The following PDGFC variants were observed in gnomAD, a reference collection of about 807,000 sequenced individuals.
PDGFC encodes the protein platelet-derived growth factor C.
A neutral mutation model predicts 35.5 loss-of-function variants in PDGFC; 12 were observed. The ratio of observed to expected loss-of-function variants is 0.34; its 90% CI spans 0.22 to 0.55. PDGFC has a LOEUF of 0.55. PDGFC is among the 20% of genes least tolerant of loss of function. The pLI, the probability that PDGFC is intolerant of heterozygous loss-of-function variation, is 0.91. For synonymous variants in PDGFC, 159 were observed against 148.8 expected (o/e 1.07, Z -0.50); for missense variants, 322 against 412.4 (o/e 0.78, Z 1.90).
intron 3 of PDGFC, among the ~76,000 whole-genome samples, chr4:156,797,449 G>C (rs1418263981): frequency 6.6e-6 from 1 of 152,094 alleles, no homozygotes; most frequent in South Asian, 2.1e-4. Flanking sequence ...AAAAACAGAA[G>C]TGAGGTACAG....
intron 1 of PDGFC, 72 bp downstream of exon 1, chr4:156,970,714 T>C (rs1017464548): frequency 4.5e-5 from 41 of 921,226 alleles, no homozygotes; most frequent in Non-Finnish European, 6.9e-5. Flanking sequence ...ATATATCACA[T>C]ACCAACGCAC....
intron 1 of PDGFC, among the ~76,000 whole-genome samples, chr4:156,860,173 C>T (rs1729676519): frequency 6.6e-6 from 1 of 152,042 alleles, no homozygotes; most frequent in African/African-American, 2.4e-5. Flanking sequence ...TCTCTAACAC[C>T]CCATTATCAC....
intron 1 of PDGFC, among the ~76,000 whole-genome samples, chr4:156,934,205 T>A (rs910082722): frequency 6.6e-6 from 1 of 152,202 alleles, no homozygotes; most frequent in East Asian, 1.9e-4. Flanking sequence ...TAAACAAACC[T>A]AAATGGTATG....
intron 2 of PDGFC, among the ~76,000 whole-genome samples, chr4:156,831,455 T>TG: frequency 6.8e-6 from 1 of 146,970 alleles, no homozygotes; most frequent in East Asian, 2.0e-4. Context: ...TTTTTTTTTT[T>TG]TTTTTTGAGA....
intron 1 of PDGFC, among the ~76,000 whole-genome samples, chr4:156,903,715 T>G (rs190960989): frequency 1.1e-4 from 16 of 152,226 alleles, no homozygotes; most frequent in Admixed American, 9.8e-4. Context: ...TAAATCCAAG[T>G]GTGCAATTAG....
rs549122020 is a variant in PDGFC at position 156,971,657 on chromosome 4, G to A, written c.-754C>T. Among the ~76,000 whole-genome samples the A allele has an allele frequency of 2.8e-4, 43 of 151,906 alleles. No individual in the cohort carries two copies. The highest frequency in any genetic ancestry group is 8.0e-4 in the African/African-American group (33 of 41,488). On this transcript the variant is annotated 5_prime_UTR_variant, in exon 1 of 6. Transcript: ENST00000502773. ...TCCGCGACCAAAGTTCACCTTGTTCGGGCTCGTCCCCCGCTCCTCAAAGCC... is the reference window on the plus strand; with the variant it reads ...TCCGCGACCAAAGTTCACCTTGTTCAGGCTCGTCCCCCGCTCCTCAAAGCC...
chr4:156,817,680 A>T (rs1732127672), intron 2 of PDGFC, among the ~76,000 whole-genome samples: 1 of 151,574 alleles, frequency 6.6e-6, no homozygotes, highest in Non-Finnish European at 1.5e-5. Context: ...AGTTCTATTT[A>T]ACTCTAAAAG....
chr4:156,860,346 A>T (rs894370084), intron 1 of PDGFC, among the ~76,000 whole-genome samples: 1 of 152,082 alleles, frequency 6.6e-6, no homozygotes, highest in African/African-American at 2.4e-5. Context: ...GTAATCCCCT[A>T]CCCAGCAAAT....
intron 4 of PDGFC, among the ~76,000 whole-genome samples, chr4:156,771,680 A>C (rs1305877824): frequency 2.0e-5 from 3 of 152,174 alleles, no homozygotes; most frequent in African/African-American, 7.2e-5. Flanking sequence ...TTAGAGCAGG[A>C]AAGGGCAGGA....
intron 3 of PDGFC, among the ~76,000 whole-genome samples, chr4:156,810,085 T>A (rs144721751): frequency 1.5e-3 from 232 of 152,050 alleles, no homozygotes; most frequent in African/African-American, 4.7e-3. Flanking sequence ...AGATTCTTAG[T>A]GGCTTTAATC....
At chr4:156,858,102 C>T (rs1729626212) in intron 1 of PDGFC, among the ~76,000 whole-genome samples, 1 of 151,902 alleles carries the variant, frequency 6.6e-6, no homozygotes, top group African/African-American at 2.4e-5. Flanking sequence ...GTCTGTTATC[C>T]TGGTGCGATT....
intron 5 of PDGFC, among the ~76,000 whole-genome samples, chr4:156,766,356 G>C (rs1730529418): frequency 6.6e-6 from 1 of 151,900 alleles, no homozygotes; most frequent in African/African-American, 2.4e-5. Context: ...TATTTATTTG[G>C]CTAAAATGTC....
intron 1 of PDGFC, among the ~76,000 whole-genome samples, chr4:156,958,831 A>G (rs770978246): frequency 6.6e-6 from 1 of 152,096 alleles, no homozygotes; most frequent in Non-Finnish European, 1.5e-5. Context: ...TAAAAGCAAG[A>G]TAACTTGGAT....
chr4:156,773,517 G>T (rs555381714), intron 3 of PDGFC, among the ~76,000 whole-genome samples: 1 of 152,210 alleles, frequency 6.6e-6, no homozygotes, highest in East Asian at 1.9e-4. Flanking sequence ...CTATGTGACT[G>T]TCATAAGATT....
intron 1 of PDGFC, among the ~76,000 whole-genome samples, chr4:156,912,268 A>T (rs1400165264): frequency 6.6e-6 from 1 of 152,202 alleles, no homozygotes; most frequent in African/African-American, 2.4e-5. Context: ...TTTGGCTGAG[A>T]GGACCAACTA....
At chr4:156,793,562 T>TATAA (rs1391337141) in intron 3 of PDGFC, among the ~76,000 whole-genome samples, 24 of 136,126 alleles carry the variant, frequency 1.8e-4, no homozygotes, top group South Asian at 1.6e-3. Context: ...TATATATATA[T>TATAA]AAAACACTTT....
chr4:156,846,815 C>T (rs545716822), intron 2 of PDGFC, among the ~76,000 whole-genome samples: 1 of 151,516 alleles, frequency 6.6e-6, no homozygotes, highest in South Asian at 2.1e-4. Context: ...GGGAAAATGC[C>T]TCTTAGCAAA....
At chr4:156,785,592 T>C (rs1261897708) in intron 3 of PDGFC, among the ~76,000 whole-genome samples, 2 of 152,000 alleles carry the variant, frequency 1.3e-5, no homozygotes, top group Admixed American at 6.6e-5. Context: ...TGCACAACAG[T>C]CTGGAAAGGG....
chr4:156,925,535 G>C (rs1181836401), intron 1 of PDGFC, among the ~76,000 whole-genome samples: 2 of 152,046 alleles, frequency 1.3e-5, no homozygotes, highest in African/African-American at 4.8e-5. Context: ...TAGGGGAAAA[G>C]CACATTTGAG....
Sources: gnomAD v4.1 joint callset for allele counts (sites outside exome capture counted in the v4.1 genomes callset) on GRCh38, gnomAD v4.1.1 for gene constraint, MANE v1.5 for transcripts, NCBI Gene and HGNC (gene_info 2026-07-23, HGNC 2026-07-21) for gene names.